G3BP1: variants seen among roughly 807,000 people sequenced by gnomAD.
G3BP1 encodes ras GTPase-activating protein-binding protein 1.
G3BP1 carries 35 observed loss-of-function variants against 58.6 expected under a neutral mutation model. The ratio of observed to expected loss-of-function variants is 0.60; its 90% CI spans 0.46 to 0.79. The LOEUF is 0.79. Ranked by LOEUF, G3BP1 falls within the 30% of genes least tolerant of loss-of-function variation. The pLI is 0.00. For synonymous variants in G3BP1, 191 were observed against 195.4 expected (o/e 0.98, Z 0.19); for missense variants, 523 against 580.8 (o/e 0.90, Z 1.02).
intron 2 of G3BP1, chr5:151,787,458 A>AT (rs1762571657): frequency 6.6e-6 from 1 of 152,174 alleles, no homozygotes; most frequent in Non-Finnish European, 1.5e-5. Context: ...CACAGAAACA[A>AT]TTTTTCTATA....
chr5:151,781,700 A>G (rs1299385224), intron 1 of G3BP1, among the ~76,000 whole-genome samples: 2 of 152,246 alleles, frequency 1.3e-5, no homozygotes, highest in African/African-American at 4.8e-5. Context: ...TGTCTTTTAA[A>G]CAGACAGCAT....
chr5:151,788,614 A>G (rs868033583), intron 2 of G3BP1, among the ~76,000 whole-genome samples: 2,810 of 43,366 alleles, frequency 0.065, 36 homozygotes, highest in Middle Eastern at 0.12. Context: ...GTGTGTGTGT[A>G]TTATTTATTT....
rs888909247 is a variant in G3BP1 at position 151,811,771 on chromosome 5, G to T, written c.*7680G>T. 4 of 152,136 alleles carry T rather than the reference G, an allele frequency of 2.6e-5. No individual in the cohort carries two copies. The highest frequency in any genetic ancestry group is 9.7e-5 in the African/African-American group (4 of 41,444). 9.4% of individuals were successfully genotyped at this position (152,136 alleles called of 1,614,324 possible). ...GAAGTAAAAATGTTACATTAAGGAA[G>T]CGATTGCTTAACACGCTGCTTAAGG... On this transcript the variant is annotated 3_prime_UTR_variant, in exon 12 of 12. Coordinates refer to ENST00000356245, the MANE Select transcript of G3BP1 (RefSeq NM_005754.3).
rs1206326690 is a variant in G3BP1, at chr5:151,800,771, G to A, written c.1096G>A (p.Val366Met). 5 of 1,605,638 alleles carry A rather than the reference G, an allele frequency of 3.1e-6. No individual in the cohort carries two copies. The highest frequency in any genetic ancestry group is 1.1e-5 in the South Asian group (1 of 90,886). ...LKDFFQSYGN[V>M]VELRINSGGK... The stretch of plus-strand genomic sequence containing the variant: ...TGTTTCACTTGCAGGTTATGGAAAC[G>A]TGGTGGAGTTGCGCATTAACAGTGG... Residue 366 changes from valine to methionine, a missense_variant, in exon 11 of 12, where the codon GTG becomes ATG. By Grantham distance (21) the Val-to-Met change is conservative. Transcript: ENST00000356245.
intron 4 of G3BP1, chr5:151,791,367 G>T: frequency 1.0e-5 from 2 of 200,178 alleles, no homozygotes; most frequent in Non-Finnish European, 2.1e-5. Flanking sequence ...TTTAAAATTT[G>T]GAAATTATCT....
At chr5:151,774,624 T>A (rs1160623287) in intron 1 of G3BP1, among the ~76,000 whole-genome samples, 1 of 151,932 alleles carries the variant, frequency 6.6e-6, no homozygotes, top group Non-Finnish European at 1.5e-5. Context: ...AGGCATTGTA[T>A]GTTTGTTTAA....
chr5:151,796,325 G>A (rs1762748443), intron 6 of G3BP1, among the ~76,000 whole-genome samples: 1 of 152,212 alleles, frequency 6.6e-6, no homozygotes, highest in African/African-American at 2.4e-5. Flanking sequence ...CTGGAGTGCA[G>A]TGGCGCGATC....
At chr5:151,784,937 G>A (rs1762533467) in intron 1 of G3BP1, among the ~76,000 whole-genome samples, 1 of 152,162 alleles carries the variant, frequency 6.6e-6, no homozygotes, top group Non-Finnish European at 1.5e-5. Flanking sequence ...TTCAGTACAA[G>A]AGTGTTGAAA....
rs1236424668 is a variant in G3BP1 at position 151,792,122 on chromosome 5, T to C, written c.351+1060T>C. 6.6e-6 allele frequency: 3 copies of C among 456,314 alleles called. No individual in the cohort carries two copies. In the East Asian group the frequency reaches 2.1e-4, roughly 32 times the overall value. 28.3% of individuals were successfully genotyped at this position (456,314 alleles called of 1,614,324 possible). ...TTCAAGGAGGCCTGGTTCTTTTTAG[T>C]TATACTTATGAAAGGACGACAAGTT... is the stretch of plus-strand genomic sequence containing the variant. On this transcript the variant is annotated intron_variant, in intron 4 of 11. Coordinates refer to ENST00000356245, the MANE Select transcript of G3BP1 (RefSeq NM_005754.3).
At chr5:151,803,747 G>C in intron 11 of G3BP1, 138 bp from the exon 12 acceptor site, 1 of 584,644 alleles carries the variant, frequency 1.7e-6, no homozygotes, top group East Asian at 3.0e-5. Flanking sequence ...ACCCGTCTCG[G>C]CCTCCCAAAG....
At chr5:151,773,430 A>C (rs11750209) in intron 1 of G3BP1, among the ~76,000 whole-genome samples, 6,188 of 152,202 alleles carry the variant, frequency 0.041, 179 homozygotes, top group Non-Finnish European at 0.06. Flanking sequence ...TGTGGATGAA[A>C]GTTTGTGTAC....
rs1762949155 is a variant in G3BP1 at position 151,807,180 on chromosome 5, C to T, written c.*3089C>T. 1 of 152,076 alleles carries T rather than the reference C, an allele frequency of 6.6e-6. No homozygotes were observed. The highest frequency in any genetic ancestry group is 2.1e-4 in the South Asian group (1 of 4,822). 9.4% of individuals were successfully genotyped at this position (152,076 alleles called of 1,614,324 possible). Reference sequence around the variant, plus strand: ...TTACCACAGTGTTAGTTGAATTGCACTTTAGGTTAGAAAAGTTAATTTTCA... The same window carrying T: ...TTACCACAGTGTTAGTTGAATTGCATTTTAGGTTAGAAAAGTTAATTTTCA... On this transcript the variant is annotated 3_prime_UTR_variant, in exon 12 of 12. Transcript: ENST00000356245.
At chr5:151,781,180 C>T (rs1762464391) in intron 1 of G3BP1, among the ~76,000 whole-genome samples, 1 of 152,120 alleles carries the variant, frequency 6.6e-6, no homozygotes, top group Non-Finnish European at 1.5e-5. Context: ...AAGTCTATTA[C>T]AGATTTATTA....
chr5:151,788,438 G>C (rs1347189952), intron 2 of G3BP1, among the ~76,000 whole-genome samples: 1 of 150,038 alleles, frequency 6.7e-6, no homozygotes, highest in Non-Finnish European at 1.5e-5. Flanking sequence ...TTACTCTGTT[G>C]CCCAGGCTGG....
chr5:151,804,157 C>A lies in G3BP1; in HGVS notation c.*66C>A. The A allele has an allele frequency of 8.5e-7, 1 of 1,182,696 alleles. No individual in the cohort carries two copies. Among genetic ancestry groups the A allele is most frequent in the Non-Finnish European group, 1.2e-6 (1 of 824,434 alleles). 73.3% of individuals were successfully genotyped at this position (1,182,696 alleles called of 1,614,324 possible). A position where few individuals can be genotyped will look rare whatever the true frequency, so the allele number is the denominator to read the frequency against. On this transcript the variant is annotated 3_prime_UTR_variant, in exon 12 of 12. Transcript: ENST00000356245. The stretch of plus-strand genomic sequence containing the variant: ...CAACAGAATGGTGAATTTTCGACAG[C>A]CTTTGGTATCTTGGAGTATGACCCC...
intron 4 of G3BP1, 152 bp from the exon 5 acceptor site, chr5:151,794,007 T>G: frequency 1.7e-6 from 1 of 580,192 alleles, no homozygotes. Context: ...CAAGACCCTG[T>G]CTCAGAACCC....
In G3BP1 at chr5:151,800,248, A is replaced by G; in HGVS notation, c.986A>G (p.Glu329Gly). 1 of 1,612,920 alleles carries G rather than the reference A, an allele frequency of 6.2e-7. No individual in the cohort carries two copies. Among genetic ancestry groups the G allele is most frequent in the Non-Finnish European group, 8.5e-7 (1 of 1,179,718 alleles). Residue 329 changes from glutamate (E) to glycine (G), a missense_variant, in exon 10 of 12, where the codon GAA becomes GGA. By Grantham distance (98) the Glu-to-Gly change is moderately conservative (BLOSUM62 -2). Transcript: ENST00000356245. ...GAGGCTGGTGAGCAAGGTGACATTG[A>G]ACCCCGAAGAATGGTGAGACACCCT... ...IREAGEQGDI[E>G]PRRMVRHPDS...
Position 151,791,069 on chromosome 5 carries a change from G to A in G3BP1, c.351+7G>A, listed in dbSNP as rs1202608907. On this transcript the variant is annotated splice_region_variant and intron_variant, in intron 4 of 11. Transcript: ENST00000356245. ...GTTTGTCCTTGCTCCTGAGGTATGT[G>A]TAGGAATGATTATTTTGTAGTGATC... The A allele has an allele frequency of 3.1e-6, 5 of 1,606,216 alleles. No individual in the cohort carries two copies. Among genetic ancestry groups the A allele is most frequent in the East Asian group, 2.2e-5 (1 of 44,816 alleles).
In G3BP1 at chr5:151,786,642, C is replaced by A. The variant is rs1369210790; in HGVS notation, c.22C>A (p.Pro8Thr). 1.2e-6 allele frequency: 2 copies of A among 1,612,544 alleles called. No homozygotes were observed. Among genetic ancestry groups the A allele is most frequent in the East Asian group, 2.2e-5 (1 of 44,864 alleles). ...AGCAATGGTGATGGAGAAGCCTAGTCCCCTGCTGGTCGGGCGGGAATTTGT... is the reference window on the plus strand; with the variant it reads ...AGCAATGGTGATGGAGAAGCCTAGTACCCTGCTGGTCGGGCGGGAATTTGT... MVMEKPS[P>T]LLVGREFVRQ... The change falls in exon 2 of 12, where the codon CCC becomes ACC. Residue 8 changes from proline to threonine, a missense_variant. Around this residue, in one of 2 missense-constraint regions of G3BP1, gnomAD observed 398 missense variants for 399.1 expected, o/e 1.00. Transcript: ENST00000356245.
Sources: gnomAD v4.1 joint callset for allele counts (sites outside exome capture counted in the v4.1 genomes callset) on GRCh38, gnomAD v4.1.1 for gene constraint, gnomAD v4.1.1 regional missense constraint, MANE v1.5 for transcripts, NCBI Gene and HGNC (gene_info 2026-07-23, HGNC 2026-07-21) for gene names.